ESF1: variants seen among roughly 807,000 people sequenced by gnomAD.
ESF1 encodes ESF1 nucleolar pre-rRNA processing protein.
ESF1 carries 58 observed loss-of-function variants against 92.0 expected under a neutral mutation model. The ratio of observed to expected loss-of-function variants is 0.63; its 90% CI spans 0.51 to 0.78. The LOEUF (loss-of-function observed/expected upper bound fraction) is 0.78, where lower values mean the gene tolerates loss of function less well. Among genes scored for constraint, ESF1 ranks in the 30% least tolerant of loss-of-function variants. ESF1 has a pLI of 0.00. For missense variants in ESF1, 922 were observed against 989.1 expected, an observed-to-expected ratio of 0.93 and a Z score of 0.91; for synonymous variants, 321 against 313.7, an observed-to-expected ratio of 1.02 and a Z score of -0.24.
intron 11 of ESF1, among the ~76,000 whole-genome samples, chr20:13,725,781 A>G (rs4813139): frequency 0.66 from 100,900 of 152,024 alleles, 33,786 homozygotes; most frequent in East Asian, 0.89. Flanking sequence ...CCTTAACTCT[A>G]TATTTGTACT....
chr20:13,771,545 A>T, intron 5 of ESF1, 62 bp from the exon 6 acceptor site: 1 of 1,321,428 alleles, frequency 7.6e-7, no homozygotes, highest in Non-Finnish European at 1.1e-6. Flanking sequence ...CCCTTTAAAA[A>T]ATAAATGTAA....
intron 11 of ESF1, among the ~76,000 whole-genome samples, chr20:13,722,699 T>TA (rs397865855): frequency 2.0e-5 from 3 of 150,984 alleles, no homozygotes; most frequent in Admixed American, 6.6e-5. Flanking sequence ...TTTTTTTTTT[T>TA]AAATTAGCCA....
chr20:13,734,050 A>G (rs968848904), intron 9 of ESF1, among the ~76,000 whole-genome samples: 31 of 152,212 alleles, frequency 2.0e-4, no homozygotes, highest in Non-Finnish European at 3.7e-4. Flanking sequence ...ACAAACAACA[A>G]TAACCTAACC....
chr20:13,768,159 C>T (rs1979512076), intron 7 of ESF1, among the ~76,000 whole-genome samples: 1 of 152,190 alleles, frequency 6.6e-6, no homozygotes, highest in Admixed American at 6.5e-5. Context: ...AGTAACTAAT[C>T]AATGCCATAC....
intron 2 of ESF1, among the ~76,000 whole-genome samples, chr20:13,779,593 G>A (rs2147450465): frequency 6.6e-6 from 1 of 152,290 alleles, no homozygotes; most frequent in East Asian, 1.9e-4. Context: ...GGAGTGCAGT[G>A]GCACGATCTT....
At chr20:13,756,145 G>GT (rs1437005012) in intron 9 of ESF1, among the ~76,000 whole-genome samples, 12 of 152,202 alleles carry the variant, frequency 7.9e-5, no homozygotes, top group Admixed American at 7.9e-4. Flanking sequence ...ACGTTTGTAA[G>GT]TATCTCTAAG....
intron 2 of ESF1, among the ~76,000 whole-genome samples, chr20:13,777,024 A>G (rs553692928): frequency 4.1e-4 from 63 of 152,324 alleles, no homozygotes; most frequent in Non-Finnish European, 8.7e-4. Flanking sequence ...GCTGTTTTCA[A>G]AAAAGAGGAT....
chr20:13,728,555 C>G (rs941474370), intron 10 of ESF1, 90 bp from the exon 11 acceptor site: 3 of 1,031,936 alleles, frequency 2.9e-6, no homozygotes, highest in Non-Finnish European at 4.2e-6. Context: ...TTCTTTTAAA[C>G]CAAGTAGTTC....
chr20:13,759,916 T>C, intron 8 of ESF1, 63 bp from the exon 9 acceptor site: 3 of 1,504,774 alleles, frequency 2.0e-6, no homozygotes, highest in Non-Finnish European at 2.6e-6. Context: ...TGTTCAGATC[T>C]TATGGTCACT....
chr20:13,743,401 T>C (rs1303370367), intron 9 of ESF1, among the ~76,000 whole-genome samples: 1 of 151,676 alleles, frequency 6.6e-6, no homozygotes, highest in East Asian at 1.9e-4. Flanking sequence ...GGAAATGAAA[T>C]CAGTATCTTG....
At chr20:13,764,442 C>T (rs916282990) in intron 8 of ESF1, among the ~76,000 whole-genome samples, 25 of 152,134 alleles carry the variant, frequency 1.6e-4, no homozygotes, top group African/African-American at 6.0e-4. Context: ...AGAGCATATA[C>T]ATTTAAAAGT....
chr20:13,759,461 G>A, intron 9 of ESF1, among the ~76,000 whole-genome samples: 1 of 152,124 alleles, frequency 6.6e-6, no homozygotes, highest in East Asian at 1.9e-4. Context: ...TCAAACCTAG[G>A]AAAAGCTACT....
intron 8 of ESF1, among the ~76,000 whole-genome samples, chr20:13,766,360 A>C (rs1979425063): frequency 6.6e-6 from 1 of 152,218 alleles, no homozygotes; most frequent in Non-Finnish European, 1.5e-5. Flanking sequence ...AGAAACAGAA[A>C]ACTCTAAAAG....
chr20:13,767,736 T>G lies in ESF1; in HGVS notation c.1519-812A>C, dbSNP rs1244387744. Among the ~76,000 whole-genome samples the G allele has an allele frequency of 2.6e-5, 4 of 152,290 alleles. No individual in the cohort carries two copies. The South Asian group carries it at 8.3e-4, about 32-fold the overall frequency. On this transcript the variant is annotated intron_variant, in intron 7 of 13. Transcript: ENST00000617257. ...AAGTAGTTTAAACCTCCATGATACA[T>G]GAATTCATCTATGACATGACTGATG...
At chr20:13,733,194 C>A (rs140261012) in intron 10 of ESF1, among the ~76,000 whole-genome samples, 1 of 151,968 alleles carries the variant, frequency 6.6e-6, no homozygotes, top group East Asian at 1.9e-4. Context: ...CCAAAGTGCA[C>A]GGATTACAGG....
chr20:13,763,245 G>GC (rs1227977515), intron 8 of ESF1, among the ~76,000 whole-genome samples: 17 of 152,206 alleles, frequency 1.1e-4, no homozygotes, highest in Admixed American at 2.0e-4. Flanking sequence ...GGTATTATTA[G>GC]ATCCTCATTT....
intron 10 of ESF1, among the ~76,000 whole-genome samples, chr20:13,729,089 T>A (rs1189487401): frequency 2.6e-5 from 4 of 151,928 alleles, no homozygotes; most frequent in Non-Finnish European, 5.9e-5. Context: ...TGAAACCCCA[T>A]CTCTACTAAA....
intron 9 of ESF1, among the ~76,000 whole-genome samples, chr20:13,736,711 T>A (rs2049977654): frequency 6.6e-6 from 1 of 152,166 alleles, no homozygotes; most frequent in Non-Finnish European, 1.5e-5. Flanking sequence ...CCTCAAGTGG[T>A]TCATGTGGTT....
chr20:13,730,231 C>A (rs1458262080), intron 10 of ESF1, among the ~76,000 whole-genome samples: 1 of 152,056 alleles, frequency 6.6e-6, no homozygotes, highest in Non-Finnish European at 1.5e-5. Flanking sequence ...TGCCACCACA[C>A]CTGGCTAATT....
Sources: gnomAD v4.1 joint callset for allele counts (sites outside exome capture counted in the v4.1 genomes callset) on GRCh38, gnomAD v4.1.1 for gene constraint, MANE v1.5 for transcripts, NCBI Gene and HGNC (gene_info 2026-07-23, HGNC 2026-07-21) for gene names.